The following USP49 variants were observed in gnomAD, a reference collection of about 807,000 sequenced individuals.
The protein encoded by USP49 is ubiquitin carboxyl-terminal hydrolase 49.
A neutral mutation model predicts 58.6 loss-of-function variants in USP49; 24 were observed. That is an observed-to-expected ratio of 0.41 (90% CI 0.30 to 0.58). The LOEUF (loss-of-function observed/expected upper bound fraction) is 0.58, where lower values mean the gene tolerates loss of function less well. Ranked by LOEUF, USP49 falls within the 20% of genes least tolerant of loss-of-function variation. The pLI is 0.30. For missense variants in USP49, 703 were observed against 866.1 expected, an observed-to-expected ratio of 0.81 and a Z score of 2.36; for synonymous variants, 408 against 365.1, an observed-to-expected ratio of 1.12 and a Z score of -1.34.
intron 7 of USP49, chr6:41,797,610 G>A: frequency 1.0e-6 from 1 of 984,784 alleles, no homozygotes; most frequent in Non-Finnish European, 1.2e-6. Flanking sequence ...ACTTCCCATG[G>A]CAGGGGAAGT....
intron 3 of USP49, among the ~76,000 whole-genome samples, chr6:41,839,600 C>T (rs1328277702): frequency 6.6e-6 from 1 of 151,344 alleles, no homozygotes; most frequent in Non-Finnish European, 1.5e-5. Context: ...AACAAAAATG[C>T]CTATCAACCA....
At chr6:41,827,675 CAAAAAAAAAA>C in intron 3 of USP49, among the ~76,000 whole-genome samples, 1 of 92,316 alleles carries the variant, frequency 1.1e-5, no homozygotes, top group Admixed American at 1.2e-4. Flanking sequence ...ACTCTGTCTC[CAAAAAAAAAA>C]AAAAAAAAAA....
rs765120920 is a variant in USP49 at position 41,806,231 on chromosome 6, G to A, written c.753C>T (p.Gly251=). 1.9e-6 allele frequency: 3 copies of A among 1,611,040 alleles called. No individual in the cohort carries two copies. The highest frequency in any genetic ancestry group is 1.7e-6 in the Non-Finnish European group (2 of 1,180,006). The change falls in exon 4 of 8, where the codon GGC becomes GGT. Residue 251 remains glycine, a synonymous_variant. Transcript: ENST00000682992. The surrounding 1 kb of genome is among the most constrained non-coding windows in gnomAD (Gnocchi z 5.9). The part of the protein sequence containing the change: ...KLRRQPAMAP[G]VTGLRNLGNT... ...TGCCCAGGTTGCGCAGGCCCGTGAC[G>A]CCTGGGGCCATGGCCGGCTGGCGAC... is the stretch of plus-strand genomic sequence containing the variant.
chr6:41,791,711 A>G lies in USP49; in HGVS notation c.*4822T>C, dbSNP rs935596501. The stretch of plus-strand genomic sequence containing the variant: ...AAAAATGAGTGCCTGCCACAATGCT[A>G]TAGTAGCTATGGTGTATTTAGTGCA... On this transcript the variant is annotated 3_prime_UTR_variant, in exon 8 of 8. Coordinates refer to ENST00000682992, the MANE Select transcript of USP49 (RefSeq NM_001286554.2). The G allele has an allele frequency of 1.3e-5, 2 of 152,242 alleles. No individual in the cohort carries two copies. Among genetic ancestry groups the G allele is most frequent in the Non-Finnish European group, 2.9e-5 (2 of 68,052 alleles). 9.4% of individuals were successfully genotyped at this position (152,242 alleles called of 1,614,324 possible). A position where few individuals can be genotyped will look rare whatever the true frequency, so the allele number is the denominator to read the frequency against.
At chr6:41,848,870 ATGAG>A (rs1260017576) in intron 3 of USP49, among the ~76,000 whole-genome samples, 2 of 151,188 alleles carry the variant, frequency 1.3e-5, no homozygotes, top group African/African-American at 4.9e-5. Context: ...AAAAAAAAAA[ATGAG>A]AGAGAGAGAA....
intron 3 of USP49, among the ~76,000 whole-genome samples, chr6:41,811,656 A>G (rs1773259304): frequency 6.6e-6 from 1 of 152,226 alleles, no homozygotes; most frequent in African/African-American, 2.4e-5. Context: ...GGTCAAAAGT[A>G]TTCTGTCAGA....
At chr6:41,800,015 T>A in intron 5 of USP49, 77 bp from the exon 6 acceptor site, 1 of 1,269,548 alleles carries the variant, frequency 7.9e-7, no homozygotes, top group South Asian at 1.2e-5. Context: ...TGACTTGCCA[T>A]TCAATATGCA....
At chr6:41,861,210 G>A (rs1367283971) in intron 3 of USP49, among the ~76,000 whole-genome samples, 3 of 152,076 alleles carry the variant, frequency 2.0e-5, no homozygotes, top group Admixed American at 6.6e-5. Context: ...TTGGGAGGCC[G>A]AGGCAGGCGG....
At chr6:41,818,061 C>T (rs1327696912) in intron 3 of USP49, among the ~76,000 whole-genome samples, 2 of 152,126 alleles carry the variant, frequency 1.3e-5, no homozygotes, top group Non-Finnish European at 2.9e-5. Context: ...TAATCCTATA[C>T]TGAGCTATAT....
intron 3 of USP49, among the ~76,000 whole-genome samples, chr6:41,850,892 C>T (rs1364476819): frequency 6.6e-6 from 1 of 151,886 alleles, no homozygotes; most frequent in Non-Finnish European, 1.5e-5. Flanking sequence ...TAAGCCACCG[C>T]GCCTGGCCAT....
intron 3 of USP49, among the ~76,000 whole-genome samples, chr6:41,862,941 T>A (rs1276352862): frequency 6.6e-5 from 10 of 151,408 alleles, no homozygotes; most frequent in Non-Finnish European, 1.3e-4. Context: ...ACCTGGCTAA[T>A]TTTTTTTTGT....
At chr6:41,812,641 C>T (rs1243834623) in intron 3 of USP49, among the ~76,000 whole-genome samples, 3 of 151,766 alleles carry the variant, frequency 2.0e-5, no homozygotes, top group Non-Finnish European at 4.4e-5. Context: ...TGCAGTGAGC[C>T]GAGATCACAC....
intron 3 of USP49, among the ~76,000 whole-genome samples, chr6:41,831,949 AC>A (rs1035470894): frequency 2.4e-4 from 36 of 152,116 alleles, no homozygotes; most frequent in African/African-American, 7.7e-4. Flanking sequence ...TTCTGTACTA[AC>A]CCTCAAAAGC....
At chr6:41,822,068 CA>C (rs1236715312) in intron 3 of USP49, among the ~76,000 whole-genome samples, 1 of 152,096 alleles carries the variant, frequency 6.6e-6, no homozygotes, top group African/African-American at 2.4e-5. Context: ...CTATTGAATC[CA>C]TAATGTATGT....
At chr6:41,834,077 A>AGGCGTGCATGTT (rs1773683903) in intron 3 of USP49, among the ~76,000 whole-genome samples, 1 of 152,214 alleles carries the variant, frequency 6.6e-6, no homozygotes, top group Non-Finnish European at 1.5e-5. Context: ...CTAGGAAGAA[A>AGGCGTGCATGTT]TCAAAGTAGG....
At chr6:41,859,171 G>A (rs115017508) in intron 3 of USP49, among the ~76,000 whole-genome samples, 1 of 152,140 alleles carries the variant, frequency 6.6e-6, no homozygotes, top group Non-Finnish European at 1.5e-5. Flanking sequence ...CCTTAACATG[G>A]CTTGTCTTTC....
intron 2 of USP49, among the ~76,000 whole-genome samples, chr6:41,879,130 C>A (rs1774558323): frequency 6.6e-6 from 1 of 152,188 alleles, no homozygotes; most frequent in Non-Finnish European, 1.5e-5. Context: ...TATGGTGGCT[C>A]ATGCCTATAA....
At chr6:41,862,399 G>A (rs1012939290) in intron 3 of USP49, among the ~76,000 whole-genome samples, 13 of 152,010 alleles carry the variant, frequency 8.6e-5, no homozygotes, top group Non-Finnish European at 1.9e-4. Flanking sequence ...TATTTTGTTT[G>A]TACATCTTTA....
intron 3 of USP49, among the ~76,000 whole-genome samples, chr6:41,824,868 T>C (rs569097615): frequency 1.7e-3 from 256 of 152,268 alleles, no homozygotes; most frequent in African/African-American, 5.8e-3. Flanking sequence ...GGCAAAAATA[T>C]AAAGGGGGCC....
Sources: allele counts gnomAD v4.1 joint callset (sites outside exome capture counted in the v4.1 genomes callset), GRCh38; gene constraint gnomAD v4.1.1; non-coding constraint Gnocchi (gnomAD v3.1); transcripts MANE v1.5; gene names NCBI Gene and HGNC (gene_info 2026-07-23, HGNC 2026-07-21).